The following MYO10 variants were observed in gnomAD, a reference collection of about 807,000 sequenced individuals.
The protein encoded by MYO10 is myosin X, also known as unconventional myosin-X.
Under a neutral mutation model 257.3 loss-of-function variants are expected in MYO10, and 133 were observed. The ratio of observed to expected loss-of-function variants is 0.52; its 90% CI spans 0.45 to 0.60. MYO10 has a LOEUF of 0.60. Among genes scored for constraint, MYO10 ranks in the 20% least tolerant of loss-of-function variants. The pLI is 0.00. For synonymous variants in MYO10, 1,104 were observed against 1,028.6 expected (o/e 1.07, Z -1.40); for missense variants, 2,399 against 2,635.7 (o/e 0.91, Z 1.97).
At chr5:16,933,768 CCT>C (rs1248797253) in intron 1 of MYO10, among the ~76,000 whole-genome samples, 1 of 152,224 alleles carries the variant, frequency 6.6e-6, no homozygotes, top group Non-Finnish European at 1.5e-5. Context: ...CACTATTTAA[CCT>C]CTCTGACTGG....
chr5:16,681,294 A>C lies in MYO10; in HGVS notation c.4384+15T>G. 1.2e-6 allele frequency: 2 copies of C among 1,600,450 alleles called. No individual in the cohort carries two copies. The highest frequency in any genetic ancestry group is 1.7e-6 in the Non-Finnish European group (2 of 1,175,064). On this transcript the variant is annotated intron_variant, in intron 32 of 40. Transcript: ENST00000513610. ...AAGATTTGATGCTCAGGGTTCGGGC[A>C]GCCAGCCTGGTTACCTGTCTCTTTG... is the stretch of plus-strand genomic sequence containing the variant.
At chr5:16,769,693 A>G (rs182078739) in intron 9 of MYO10, among the ~76,000 whole-genome samples, 91 of 152,140 alleles carry the variant, frequency 6.0e-4, no homozygotes, top group Admixed American at 2.4e-3. Context: ...ACATAAGAGG[A>G]GGAAGATAAA....
intron 38 of MYO10, among the ~76,000 whole-genome samples, 151 bp from the exon 39 acceptor site, chr5:16,671,129 T>C (rs1260979246): frequency 1.3e-5 from 2 of 152,204 alleles, no homozygotes; most frequent in African/African-American, 4.8e-5. Context: ...CCTGGCTCAC[T>C]GCTTTAAATT....
intron 9 of MYO10, among the ~76,000 whole-genome samples, chr5:16,778,742 G>C (rs1303924532): frequency 6.2e-5 from 9 of 145,382 alleles, no homozygotes; most frequent in East Asian, 4.1e-4. Flanking sequence ...CCAGGCTGGA[G>C]TGCAGTTGCG....
chr5:16,884,330 G>C (rs1391338464), intron 1 of MYO10, among the ~76,000 whole-genome samples: 2 of 152,160 alleles, frequency 1.3e-5, no homozygotes, highest in Non-Finnish European at 2.9e-5. Context: ...GGGAAGTAAA[G>C]GGTACTGTGA....
Position 16,741,394 on chromosome 5 carries a change from G to A in MYO10, c.1929+13434C>T, listed in dbSNP as rs149417472. Among the ~76,000 whole-genome samples, 4 of 152,280 alleles carry A rather than the reference G, an allele frequency of 2.6e-5. No homozygotes were observed. In the East Asian group the frequency reaches 7.7e-4, roughly 29 times the overall value. ...TTATTCTTGTGCAGATTTCTTTAAAGGTTCCTATAAAGCACGAGGCAGGGA... is the reference window on the plus strand; with the variant it reads ...TTATTCTTGTGCAGATTTCTTTAAAAGTTCCTATAAAGCACGAGGCAGGGA... On this transcript the variant is annotated intron_variant, in intron 19 of 40. Coordinates refer to ENST00000513610, the MANE Select transcript of MYO10 (RefSeq NM_012334.3).
Position 16,670,656 on chromosome 5 carries a change from G to A in MYO10, c.5753C>T (p.Ser1918Phe), listed in dbSNP as rs545077121. The change falls in exon 39 of 41, where the codon TCC (serine) becomes TTC (phenylalanine). Residue 1918 changes from serine (S) to phenylalanine (F), a missense_variant. Physicochemically the swap from Ser to Phe is radical, Grantham distance 155. Around this residue, in one of 3 missense-constraint regions of MYO10, gnomAD observed 1,820 missense variants for 1,939.4 expected, o/e 0.94. Transcript: ENST00000513610. ...MLDMWIKEEV[S>F]SARASIIDKW... The stretch of plus-strand genomic sequence containing the variant: ...GTCAATGATACTGGCTCGAGCAGAG[G>A]AGACTTCTTCCTTAATCCACATGTC... 3.7e-6 allele frequency: 6 copies of A among 1,613,990 alleles called. No homozygotes were observed. The highest frequency in any genetic ancestry group is 2.2e-5 in the East Asian group (1 of 44,876).
Position 16,666,427 on chromosome 5 carries a change from T to A in MYO10, c.*265A>T. On this transcript the variant is annotated 3_prime_UTR_variant, in exon 41 of 41. Coordinates refer to ENST00000513610, the MANE Select transcript of MYO10 (RefSeq NM_012334.3). Reference sequence around the variant, plus strand: ...CCGGCTGCTTTGGTGGCAGCGTGGTTCCTCCCCTCCTTTTTTAAGGCATGT... The same window carrying A: ...CCGGCTGCTTTGGTGGCAGCGTGGTACCTCCCCTCCTTTTTTAAGGCATGT... 1 of 397,166 alleles carries A rather than the reference T, an allele frequency of 2.5e-6. No individual in the cohort carries two copies. The highest frequency in any genetic ancestry group is 4.5e-6 in the Non-Finnish European group (1 of 223,766). 24.6% of individuals were successfully genotyped at this position (397,166 alleles called of 1,614,324 possible).
intron 25 of MYO10, among the ~76,000 whole-genome samples, chr5:16,700,338 A>G (rs1041479847): frequency 1.3e-5 from 2 of 152,198 alleles, no homozygotes; most frequent in Non-Finnish European, 2.9e-5. Flanking sequence ...TTGTAAAAAA[A>G]GGGAAGGAAG....
chr5:16,895,607 C>T (rs1045808849), intron 1 of MYO10, among the ~76,000 whole-genome samples: 4 of 152,040 alleles, frequency 2.6e-5, no homozygotes, highest in African/African-American at 9.7e-5. Flanking sequence ...CCAACAAGAG[C>T]TCCTTCCCCA....
intron 35 of MYO10, 131 bp from the exon 36 acceptor site, chr5:16,674,020 G>A: frequency 1.3e-6 from 1 of 741,776 alleles, no homozygotes; most frequent in South Asian, 1.7e-5. Context: ...GCAAGCACCA[G>A]TGACTTCTTG....
chr5:16,913,810 A>T (rs1204658239), intron 1 of MYO10, among the ~76,000 whole-genome samples: 1 of 152,196 alleles, frequency 6.6e-6, no homozygotes, highest in East Asian at 1.9e-4. Context: ...ACAACAGGCC[A>T]GGCAAAGACT....
intron 10 of MYO10, among the ~76,000 whole-genome samples, chr5:16,767,083 C>G (rs1286672199): frequency 6.6e-6 from 1 of 151,874 alleles, no homozygotes; most frequent in African/African-American, 2.4e-5. Context: ...AATTCTCTCA[C>G]CAGTATACAG....
chr5:16,742,076 A>G (rs571708906), intron 19 of MYO10: 509 of 985,324 alleles, frequency 5.2e-4, no homozygotes, highest in Non-Finnish European at 6.0e-4. Context: ...TGCACGCATC[A>G]ACAAATGTGT....
chr5:16,902,652 TGGACC>T, intron 1 of MYO10: 1 of 1,329,808 alleles, frequency 7.5e-7, no homozygotes, highest in Middle Eastern at 1.9e-4. Context: ...CTTGGAAGCA[TGGACC>T]GGAGAGAGGC....
At chr5:16,754,006 C>T (rs538129685) in intron 19 of MYO10, among the ~76,000 whole-genome samples, 6 of 152,118 alleles carry the variant, frequency 3.9e-5, no homozygotes, top group African/African-American at 1.4e-4. Flanking sequence ...TTAAATTTTA[C>T]AATTTAATTA....
At chr5:16,752,255 AT>A (rs1264478632) in intron 19 of MYO10, among the ~76,000 whole-genome samples, 1 of 152,156 alleles carries the variant, frequency 6.6e-6, no homozygotes, top group East Asian at 1.9e-4. Flanking sequence ...AAACTGTGAG[AT>A]GCATCCCAGC....
In MYO10 at chr5:16,822,685, T is replaced by C. The variant is rs534288423; in HGVS notation, c.121-4518A>G. ...AATATTTTTTTTTCTTTTTTATTTA[T>C]TTTTATTTTTTTTTTTTTTTGAGAC... On this transcript the variant is annotated intron_variant, in intron 2 of 40. Transcript: ENST00000513610. Among the ~76,000 whole-genome samples the C allele has an allele frequency of 3.0e-4, 19 of 62,896 alleles. No homozygotes were observed. The East Asian group carries it at 7.5e-3, about 25-fold the overall frequency. 41.3% of individuals were successfully genotyped at this position (62,896 alleles called of 152,430 possible).
At chr5:16,777,289 A>C (rs964572373) in intron 9 of MYO10, among the ~76,000 whole-genome samples, 6 of 152,224 alleles carry the variant, frequency 3.9e-5, no homozygotes, top group Non-Finnish European at 8.8e-5. Context: ...TCTGCATTAT[A>C]AATGGCAGGT....
Sources: gnomAD v4.1 joint callset for allele counts (sites outside exome capture counted in the v4.1 genomes callset) on GRCh38, gnomAD v4.1.1 for gene constraint, gnomAD v4.1.1 regional missense constraint, MANE v1.5 for transcripts, NCBI Gene and HGNC (gene_info 2026-07-23, HGNC 2026-07-21) for gene names.